Variants in PCDHA4 observed in about 807,000 individuals in gnomAD.
PCDHA4 encodes protocadherin alpha 4.
Under a neutral mutation model 61.4 loss-of-function variants are expected in PCDHA4, and 49 were observed. The ratio of observed to expected loss-of-function variants is 0.80; its 90% CI spans 0.63 to 1.01. The LOEUF (loss-of-function observed/expected upper bound fraction) is 1.01, where lower values mean the gene tolerates loss of function less well. Ranked by LOEUF, PCDHA4 falls within the 50% of genes least tolerant of loss-of-function variation. The pLI is 0.00. For synonymous variants in PCDHA4, 590 were observed against 550.3 expected, an observed-to-expected ratio of 1.07 and a Z score of -1.01; for missense variants, 1,254 against 1,235.8, an observed-to-expected ratio of 1.01 and a Z score of -0.22.
rs146722772 is a variant in PCDHA4, at chr5:140,848,558, C to T, written c.2385+38986C>T. ...CTCTACTGCTCTCGCTTCTGATCCTCGCAATGTGGGTGGTGGGGAGCGGCC... is the reference window on the plus strand; with the variant it reads ...CTCTACTGCTCTCGCTTCTGATCCTTGCAATGTGGGTGGTGGGGAGCGGCC... On this transcript the variant is annotated intron_variant, in intron 1 of 3. Coordinates refer to ENST00000530339, the MANE Select transcript of PCDHA4 (RefSeq NM_018907.4). 8.8e-6 allele frequency: 14 copies of T among 1,595,498 alleles called. 1 individual carries two copies. In the African/African-American group the frequency reaches 1.6e-4, roughly 18 times the overall value.
intron 1 of PCDHA4, chr5:140,857,672 C>T: frequency 2.5e-6 from 4 of 1,596,908 alleles, no homozygotes; most frequent in Middle Eastern, 3.8e-4. Context: ...TGGGGGCGTG[C>T]CGCCTCTGGG....
At chr5:140,954,844 C>T (rs1195160424) in intron 1 of PCDHA4, among the ~76,000 whole-genome samples, 1 of 152,070 alleles carries the variant, frequency 6.6e-6, no homozygotes, top group African/African-American at 2.4e-5. Flanking sequence ...GAAATCTTTG[C>T]CTGTGCCTAT....
In PCDHA4 at chr5:140,857,092, G is replaced by A; in HGVS notation, c.2385+47520G>A. On this transcript the variant is annotated intron_variant, in intron 1 of 3. Coordinates refer to ENST00000530339, the MANE Select transcript of PCDHA4 (RefSeq NM_018907.4). ...TGGATGAAAATGATAATTCACCTGA[G>A]GTGATTGTCACTTCTCTGTCTCTCC... 5 of 1,597,300 alleles carry A rather than the reference G, an allele frequency of 3.1e-6. 1 individual carries two copies. Among genetic ancestry groups the A allele is most frequent in the Non-Finnish European group, 4.3e-6 (5 of 1,166,936 alleles).
chr5:140,849,765 G>A, intron 1 of PCDHA4: 1 of 1,598,514 alleles, frequency 6.3e-7, no homozygotes, highest in Non-Finnish European at 8.6e-7. Context: ...CTACGAGCTG[G>A]TGGTTACCGC....
chr5:140,899,721 T>C (rs1415074846), intron 1 of PCDHA4, among the ~76,000 whole-genome samples: 1 of 152,250 alleles, frequency 6.6e-6, no homozygotes, highest in Non-Finnish European at 1.5e-5. Flanking sequence ...GATTCCCTCT[T>C]TTTCTATTGA....
At chr5:140,811,911 G>C (rs2126632948) in intron 1 of PCDHA4, 30 of 152,262 alleles carry the variant, frequency 2.0e-4, no homozygotes, top group African/African-American at 6.5e-4. Context: ...CCCTTTGTCA[G>C]ATGGGTAGAT....
intron 1 of PCDHA4, among the ~76,000 whole-genome samples, chr5:140,902,752 C>A (rs782602670): frequency 2.0e-5 from 3 of 148,884 alleles, no homozygotes; most frequent in African/African-American, 7.3e-5. Flanking sequence ...TCCATTATAT[C>A]ATTCTTATGT....
At chr5:140,969,556 C>A in intron 1 of PCDHA4, 1 of 1,210,690 alleles carries the variant, frequency 8.3e-7, no homozygotes, top group Non-Finnish European at 1.1e-6. Flanking sequence ...AAGCCTTGTC[C>A]ATAAAATTGT....
At chr5:140,888,159 C>T (rs1468895090) in intron 1 of PCDHA4, among the ~76,000 whole-genome samples, 1 of 152,080 alleles carries the variant, frequency 6.6e-6, no homozygotes, top group Non-Finnish European at 1.5e-5. Flanking sequence ...GACTGGTAAT[C>T]TCTAATAAGA....
At chr5:140,924,901 A>AAAAATAAAAT (rs10667761) in intron 1 of PCDHA4, among the ~76,000 whole-genome samples, 205 of 80,488 alleles carry the variant, frequency 2.5e-3, no homozygotes, top group South Asian at 0.019. Flanking sequence ...TCTCAAAAAA[A>AAAAATAAAAT]AAAATAAAAT....
At position 140,856,052 on chromosome 5, in the gene PCDHA4, G is replaced by A. The variant is rs782444703; in HGVS notation, c.2385+46480G>A. 5.7e-6 allele frequency: 9 copies of A among 1,585,062 alleles called. 1 individual carries two copies. Among genetic ancestry groups the A allele is most frequent in the African/African-American group, 5.4e-5 (4 of 73,974 alleles). On this transcript the variant is annotated intron_variant, in intron 1 of 3. Coordinates refer to ENST00000530339, the MANE Select transcript of PCDHA4 (RefSeq NM_018907.4). The stretch of plus-strand genomic sequence containing the variant: ...TGTAAAACAAGAGAAGGATAAGATG[G>A]TTTCCAGATGTAGCTGCCTGGGGGT...
chr5:140,929,499 C>A, intron 1 of PCDHA4: 2 of 980,262 alleles, frequency 2.0e-6, no homozygotes, highest in Non-Finnish European at 2.8e-6. Context: ...GAAGATTGCC[C>A]TAGGCCTCAA....
intron 1 of PCDHA4, among the ~76,000 whole-genome samples, chr5:140,894,895 A>G (rs557164845): frequency 6.6e-6 from 1 of 152,316 alleles, no homozygotes; most frequent in South Asian, 2.1e-4. Context: ...AGACCAGGAT[A>G]ATTTTCCTAT....
intron 1 of PCDHA4, chr5:140,834,302 A>T: frequency 7.7e-7 from 1 of 1,294,438 alleles, no homozygotes; most frequent in East Asian, 2.3e-5. Context: ...CCACACATCG[A>T]GATTGAAATG....
chr5:140,875,351 G>C, intron 1 of PCDHA4: 1 of 1,445,562 alleles, frequency 6.9e-7, no homozygotes, highest in Non-Finnish European at 9.1e-7. Context: ...CATAATGACT[G>C]TGATGCTGGA....
intron 1 of PCDHA4, among the ~76,000 whole-genome samples, chr5:140,919,772 A>G (rs1421766938): frequency 6.6e-6 from 1 of 152,102 alleles, no homozygotes; most frequent in Non-Finnish European, 1.5e-5. Context: ...TATTACTGTT[A>G]CACATATTAC....
At chr5:140,946,588 A>G (rs2093966025) in intron 1 of PCDHA4, among the ~76,000 whole-genome samples, 1 of 147,134 alleles carries the variant, frequency 6.8e-6, no homozygotes, top group South Asian at 2.1e-4. Context: ...TTCATAGTGG[A>G]TGAATAGATA....
intron 1 of PCDHA4, chr5:140,841,776 T>C (rs2150322536): frequency 6.2e-7 from 1 of 1,613,906 alleles, no homozygotes; most frequent in Admixed American, 1.7e-5. Flanking sequence ...GACTCTCGGT[T>C]TCCGCTAGAG....
Position 140,883,261 on chromosome 5 carries a change from G to A in PCDHA4, c.2385+73689G>A, listed in dbSNP as rs148578758. The A allele has an allele frequency of 8.1e-5, 131 of 1,613,912 alleles. No individual in the cohort carries two copies. In the African/African-American group the frequency reaches 1.7e-3, roughly 21 times the overall value. On this transcript the variant is annotated intron_variant, in intron 1 of 3. Transcript: ENST00000530339. Reference sequence around the variant, plus strand: ...TTGACAAAGGAAATATTCCAATGGCGGGTCATTGTACCCTTTTGGTGGAAG... The same window carrying A: ...TTGACAAAGGAAATATTCCAATGGCAGGTCATTGTACCCTTTTGGTGGAAG...
Sources: allele counts gnomAD v4.1 joint callset (sites outside exome capture counted in the v4.1 genomes callset), GRCh38; gene constraint gnomAD v4.1.1; transcripts MANE v1.5; gene names NCBI Gene and HGNC (gene_info 2026-07-23, HGNC 2026-07-21).